Variants in FGFR2 observed in about 807,000 individuals in gnomAD.
FGFR2 encodes BEK fibroblast growth factor receptor.
In FGFR2, 19 loss-of-function variants were observed where a neutral mutation model predicts 95.9. The ratio of observed to expected loss-of-function variants is 0.20; its 90% confidence interval spans 0.14 to 0.29. The LOEUF (loss-of-function observed/expected upper bound fraction) is 0.29. FGFR2 is among the 10% of genes least tolerant of loss of function. The probability of loss-of-function intolerance (pLI) is 1.00; values close to 1 mark genes in which losing one functional copy is unlikely to be tolerated. For missense variants in FGFR2, 707 were observed against 1,056.9 expected (o/e 0.67, Z 4.59); for synonymous variants, 392 against 393.3 (o/e 1.00, Z 0.04).
intron 9 of FGFR2, among the ~76,000 whole-genome samples, chr10:121,510,212 T>TC (rs2134158242): frequency 6.6e-6 from 1 of 152,290 alleles, no homozygotes; most frequent in Admixed American, 6.5e-5. Flanking sequence ...AGTCTCTGCC[T>TC]CCCGCAGGCC....
At chr10:121,562,127 C>T (rs1413672538) in intron 4 of FGFR2, among the ~76,000 whole-genome samples, 1 of 152,150 alleles carries the variant, frequency 6.6e-6, no homozygotes, top group Non-Finnish European at 1.5e-5. Context: ...TAGGTGGTTT[C>T]CTACAAATCT....
intron 6 of FGFR2, among the ~76,000 whole-genome samples, chr10:121,522,407 A>C (rs2134353284): frequency 6.6e-6 from 1 of 152,158 alleles, no homozygotes; most frequent in Non-Finnish European, 1.5e-5. Context: ...ATAATACAAA[A>C]GTTAGCCAGA....
chr10:121,503,608 T>A (rs1303364845), intron 10 of FGFR2, among the ~76,000 whole-genome samples, 182 bp downstream of exon 10: 1 of 152,220 alleles, frequency 6.6e-6, no homozygotes, highest in Non-Finnish European at 1.5e-5. Context: ...GGAGTTATTT[T>A]TTTTTTTAAA....
At chr10:121,492,356 T>C (rs1657606464) in intron 13 of FGFR2, among the ~76,000 whole-genome samples, 1 of 152,094 alleles carries the variant, frequency 6.6e-6, no homozygotes, top group Non-Finnish European at 1.5e-5. Flanking sequence ...CATGGTGTTT[T>C]TTCACTTCTC....
At chr10:121,597,910 G>T in intron 1 of FGFR2, 52 bp downstream of exon 1, 1 of 389,722 alleles carries the variant, frequency 2.6e-6, no homozygotes, top group Non-Finnish European at 4.5e-6. Flanking sequence ...CTCCCGTGGC[G>T]CCCACGTCCC....
At chr10:121,529,407 G>A (rs1445962291) in intron 6 of FGFR2, among the ~76,000 whole-genome samples, 1 of 152,224 alleles carries the variant, frequency 6.6e-6, no homozygotes, top group Non-Finnish European at 1.5e-5. Context: ...AGCACACCCG[G>A]CCAAAATGTA....
Position 121,593,941 on chromosome 10 carries a change from G to C in FGFR2, c.-124C>G. The C allele has an allele frequency of 1.2e-6, 1 of 867,226 alleles. No individual in the cohort carries two copies. Among genetic ancestry groups the C allele is most frequent in the African/African-American group, 1.7e-5 (1 of 60,278 alleles). The allele number at this position is 867,226 out of a possible 1,614,324, so 53.7% of individuals were successfully genotyped here. A position where few individuals can be genotyped will look rare whatever the true frequency, so the allele number is the denominator to read the frequency against. On this transcript the variant is annotated 5_prime_UTR_variant, in exon 2 of 18. Coordinates refer to ENST00000358487, the MANE Select transcript of FGFR2 (RefSeq NM_000141.5). ...TCAGCCTGCGGTGGGCTCAGGAACC[G>C]AGGCGCTGCCGCTGCTGCTGCAGTC...
Position 121,479,606 on chromosome 10 carries a change from G to A in FGFR2, c.*251C>T, listed in dbSNP as rs764231570. On this transcript the variant is annotated 3_prime_UTR_variant, in exon 18 of 18. Transcript: ENST00000358487. ...CTACTGGTCCACAGCCAGTACGCAC[G>A]GCAGGTGAGAGGGGTTACATGGTGG... is the stretch of plus-strand genomic sequence containing the variant. 18 of 1,551,688 alleles carry A rather than the reference G, an allele frequency of 1.2e-5. No individual in the cohort carries two copies. Among genetic ancestry groups the A allele is most frequent in the Admixed American group, 2.0e-5 (1 of 51,004 alleles).
At chr10:121,574,321 G>A (rs1267925393) in intron 2 of FGFR2, among the ~76,000 whole-genome samples, 1 of 152,046 alleles carries the variant, frequency 6.6e-6, no homozygotes, top group African/African-American at 2.4e-5. Flanking sequence ...TTGAGGTCAG[G>A]AGTTCGAGAC....
At position 121,593,788 on chromosome 10, in the gene FGFR2, C is replaced by G. The variant is rs2135485390; in HGVS notation, c.30G>C (p.Leu10=). 6.2e-7 allele frequency: 1 copy of G among 1,614,202 alleles called. No homozygotes were observed. The highest frequency in any genetic ancestry group is 8.5e-7 in the Non-Finnish European group (1 of 1,180,038). The change falls in exon 2 of 18, where the codon CTG becomes CTC. Residue 10 remains leucine (L), a synonymous_variant. Coordinates refer to ENST00000358487, the MANE Select transcript of FGFR2 (RefSeq NM_000141.5). Reference sequence around the variant, plus strand: ...ACAAGGTTGCCATGGTGACCACGACCAGGCAGATGAAACGACCCCAGCTGA... The same window carrying G: ...ACAAGGTTGCCATGGTGACCACGACGAGGCAGATGAAACGACCCCAGCTGA... MVSWGRFIC[L]VVVTMATLSL...
At chr10:121,486,900 T>C (rs1449964170) in intron 15 of FGFR2, among the ~76,000 whole-genome samples, 1 of 152,018 alleles carries the variant, frequency 6.6e-6, no homozygotes, top group African/African-American at 2.4e-5. Context: ...ACATAGAGAG[T>C]AGACCCTGTG....
chr10:121,503,194 G>A (rs2912755), intron 10 of FGFR2, among the ~76,000 whole-genome samples: 127,202 of 152,230 alleles, frequency 0.84, 56,130 homozygotes, highest in East Asian at 0.98. Context: ...CAAGAGATAC[G>A]TAGCCCCAAC....
chr10:121,549,414 G>A (rs1164172754), intron 5 of FGFR2, among the ~76,000 whole-genome samples: 3 of 152,184 alleles, frequency 2.0e-5, no homozygotes, highest in Admixed American at 6.5e-5. Context: ...CTACCTGGCT[G>A]TAAAGGACCT....
intron 6 of FGFR2, among the ~76,000 whole-genome samples, chr10:121,537,776 A>G (rs577375736): frequency 6.6e-6 from 1 of 152,338 alleles, no homozygotes; most frequent in South Asian, 2.1e-4. Flanking sequence ...GAAAGAGAAA[A>G]GATGGCCCCT....
In FGFR2 at chr10:121,485,633, C is replaced by A. The variant is rs2133804569; in HGVS notation, c.2058-101G>T. ...TAAACACCTCCTCACTTCTGAAGTT[C>A]AAAGACAAATGGGCCCTCCTGCAGT... On this transcript the variant is annotated intron_variant, in intron 15 of 17. Coordinates refer to ENST00000358487, the MANE Select transcript of FGFR2 (RefSeq NM_000141.5). This position sits in a 1 kb window ranked among gnomAD's most constrained non-coding sequence, Gnocchi z 4.2. 2 of 1,534,628 alleles carry A rather than the reference C, an allele frequency of 1.3e-6. No homozygotes were observed. Among genetic ancestry groups the A allele is most frequent in the Non-Finnish European group, 8.9e-7 (1 of 1,118,566 alleles).
At chr10:121,577,443 G>T (rs1014312262) in intron 2 of FGFR2, among the ~76,000 whole-genome samples, 8 of 151,982 alleles carry the variant, frequency 5.3e-5, no homozygotes, top group Non-Finnish European at 1.2e-4. Flanking sequence ...AGTGTGGAAG[G>T]TCAGGAAATG....
At position 121,479,531 on chromosome 10, in the gene FGFR2, A is replaced by T; in HGVS notation, c.*326T>A. ...GTGTGTGCTGACATAAATCTTCTCC[A>T]ATTATTACAAAATTAACAAGGAAGG... On this transcript the variant is annotated 3_prime_UTR_variant, in exon 18 of 18. Transcript: ENST00000358487. The T allele has an allele frequency of 6.8e-7, 1 of 1,468,696 alleles. No homozygotes were observed. Among genetic ancestry groups the T allele is most frequent in the Non-Finnish European group, 9.3e-7 (1 of 1,080,456 alleles). 91.0% of individuals were successfully genotyped at this position (1,468,696 alleles called of 1,614,324 possible).
intron 2 of FGFR2, among the ~76,000 whole-genome samples, chr10:121,573,831 T>C (rs1200022792): frequency 6.6e-6 from 1 of 152,060 alleles, no homozygotes; most frequent in Non-Finnish European, 1.5e-5. Flanking sequence ...GGTAGTAAAA[T>C]GGCCTTCGGT....
rs557513669 is a variant in FGFR2 at position 121,564,648 on chromosome 10, C to T, written c.377-69G>A. 8 of 1,373,558 alleles carry T rather than the reference C, an allele frequency of 5.8e-6. No individual in the cohort carries two copies. The South Asian group carries it at 7.0e-5, about 12-fold the overall frequency. 85.1% of individuals were successfully genotyped at this position (1,373,558 alleles called of 1,614,324 possible). A position where few individuals can be genotyped will look rare whatever the true frequency, so the allele number is the denominator to read the frequency against. On this transcript the variant is annotated intron_variant, in intron 3 of 17. Transcript: ENST00000358487. Reference sequence around the variant, plus strand: ...GCAAAAAGGTTGCAATTATCTACAACTGAGACCTTCTCCATAGCAAAGTCA... The same window carrying T: ...GCAAAAAGGTTGCAATTATCTACAATTGAGACCTTCTCCATAGCAAAGTCA...
Sources: allele counts gnomAD v4.1 joint callset (sites outside exome capture counted in the v4.1 genomes callset), GRCh38; gene constraint gnomAD v4.1.1; non-coding constraint Gnocchi (gnomAD v3.1); transcripts MANE v1.5; gene names NCBI Gene and HGNC (gene_info 2026-07-23, HGNC 2026-07-21).